ARGFX: variants seen among roughly 807,000 people sequenced by gnomAD.
ARGFX encodes arginine-fifty homeobox.
Under a neutral mutation model 8.0 loss-of-function variants are expected in ARGFX, and 10 were observed. That is an observed-to-expected ratio of 1.25 (90% CI 0.77 to 2.12). The LOEUF (loss-of-function observed/expected upper bound fraction) is 2.12, where lower values mean the gene tolerates loss of function less well. Ranked by LOEUF, ARGFX falls within the 30% of genes most tolerant of loss-of-function variation. The probability of loss-of-function intolerance (pLI) is 0.00; values close to 1 mark genes in which losing one functional copy is unlikely to be tolerated. For synonymous variants in ARGFX, 116 were observed against 117.8 expected (o/e 0.98, Z 0.10); for missense variants, 282 against 324.3 (o/e 0.87, Z 1.00).
At chr3:121,571,654 C>G (rs572216008) in intron 2 of ARGFX, among the ~76,000 whole-genome samples, 17 of 151,764 alleles carry the variant, frequency 1.1e-4, no homozygotes, top group Non-Finnish European at 2.5e-4. Flanking sequence ...AACTCCACCT[C>G]CCGGGTTCAA....
rs201467868 is a variant in ARGFX, at chr3:121,584,933, T to C, written c.237T>C (p.His79=). The change falls in exon 4 of 5, where the codon CAT becomes CAC. Residue 79 remains histidine (H), a synonymous_variant. Coordinates refer to ENST00000334384, the MANE Select transcript of ARGFX (RefSeq NM_001012659.2). The part of the protein sequence containing the change: ...VAATTAIRRR[H]KERTSFTHQQ... Reference sequence around the variant, plus strand: ...GCCCTGAAGCAATACGGAGAAGGCATAAAGAACGTACTTCTTTCACCCACC... The same window carrying C: ...GCCCTGAAGCAATACGGAGAAGGCACAAAGAACGTACTTCTTTCACCCACC... The C allele has an allele frequency of 1.2e-6, 2 of 1,613,306 alleles. No homozygotes were observed. Among genetic ancestry groups the C allele is most frequent in the Middle Eastern group, 1.8e-4 (1 of 5,478 alleles).
chr3:121,585,722 C>T (rs923363343), intron 4 of ARGFX, among the ~76,000 whole-genome samples: 15 of 152,124 alleles, frequency 9.9e-5, no homozygotes, highest in African/African-American at 3.6e-4. Flanking sequence ...TTCTTCACCT[C>T]TCCCTAGATC....
At position 121,577,248 on chromosome 3, in the gene ARGFX, TATATATATATA is replaced by T. The variant is rs2108836320; in HGVS notation, c.220+349_220+359del. Reference sequence around the variant, plus strand: ...GTACATATATATATATATATATATATATATATATATATTTTTTTTTTTTTAAATGGAGTCTC... The same window carrying T: ...GTACATATATATATATATATATATATTTTTTTTTTTTTTAAATGGAGTCTC... On this transcript the variant is annotated intron_variant, in intron 3 of 4. Transcript: ENST00000334384. Among the ~76,000 whole-genome samples, 5 of 54,054 alleles carry T rather than the reference TATATATATATA, an allele frequency of 9.3e-5. No homozygotes were observed. In the East Asian group the frequency reaches 2.7e-3, roughly 29 times the overall value. 35.5% of individuals were successfully genotyped at this position (54,054 alleles called of 152,430 possible).
At chr3:121,584,202 GAGAGGA>G (rs1397708634) in intron 3 of ARGFX, among the ~76,000 whole-genome samples, 1 of 140,756 alleles carries the variant, frequency 7.1e-6, no homozygotes, top group African/African-American at 2.7e-5. Flanking sequence ...GAGACAGAGA[GAGAGGA>G]AGGAAGGAAG....
chr3:121,589,558 G>A lies in ARGFX; in HGVS notation c.*2958G>A, dbSNP rs2048833615. Among the ~76,000 whole-genome samples, 1 of 152,036 alleles carries A rather than the reference G, an allele frequency of 6.6e-6. No individual in the cohort carries two copies. The highest frequency in any genetic ancestry group is 2.4e-5 in the African/African-American group (1 of 41,390). On this transcript the variant is annotated 3_prime_UTR_variant, in exon 5 of 5. Coordinates refer to ENST00000334384, the MANE Select transcript of ARGFX (RefSeq NM_001012659.2). ...CACCCAGCTAATTTTTGTATTTTTA[G>A]TAGGGACAGGTTTTGCCATGTTGCC...
intron 3 of ARGFX, 75 bp from the exon 4 acceptor site, chr3:121,584,842 G>T (rs1369552839): frequency 1.3e-6 from 2 of 1,525,610 alleles, no homozygotes; most frequent in African/African-American, 1.4e-5. Context: ...TTGTTTTTTG[G>T]TTTTTGTTTT....
intron 3 of ARGFX, among the ~76,000 whole-genome samples, chr3:121,579,180 G>A (rs867845665): frequency 2.6e-4 from 39 of 152,110 alleles, no homozygotes; most frequent in Admixed American, 7.9e-4. Flanking sequence ...AGTTTTCCTG[G>A]GATATTATTG....
chr3:121,578,707 G>A (rs1448930876), intron 3 of ARGFX, among the ~76,000 whole-genome samples: 1 of 145,206 alleles, frequency 6.9e-6, no homozygotes, highest in Admixed American at 7.0e-5. Context: ...GTCTCGCTCT[G>A]TTGCCCAGGC....
chr3:121,588,370 C>T lies in ARGFX; in HGVS notation c.*1770C>T, dbSNP rs753762101. The stretch of plus-strand genomic sequence containing the variant: ...GCACACACCTGTAATCCCAGCTACT[C>T]GGGAGGCTGAGGAAGGAGAATTGCT... On this transcript the variant is annotated 3_prime_UTR_variant, in exon 5 of 5. Transcript: ENST00000334384. Among the ~76,000 whole-genome samples the T allele has an allele frequency of 3.4e-5, 5 of 145,946 alleles. No homozygotes were observed. The highest frequency in any genetic ancestry group is 6.8e-5 in the Admixed American group (1 of 14,610).
In ARGFX at chr3:121,587,056, AT is replaced by A. The variant is rs547211551; in HGVS notation, c.*468del. Among the ~76,000 whole-genome samples the A allele has an allele frequency of 1.6e-3, 236 of 146,196 alleles. 5 individuals carry two copies. The South Asian group carries it at 0.032, about 20-fold the overall frequency. ...AGATGCTCGCCACCACACCTGGCTA[AT>A]TTTTTTTTTTTGAGACTGAGTCTCG... On this transcript the variant is annotated 3_prime_UTR_variant, in exon 5 of 5. Coordinates refer to ENST00000334384, the MANE Select transcript of ARGFX (RefSeq NM_001012659.2).
chr3:121,584,138 C>G (rs377422666), intron 3 of ARGFX, among the ~76,000 whole-genome samples: 14 of 150,552 alleles, frequency 9.3e-5, no homozygotes, highest in African/African-American at 2.9e-4. Context: ...ATGATCGTGC[C>G]ACAGCATTCA....
intron 2 of ARGFX, among the ~76,000 whole-genome samples, chr3:121,571,730 A>ATTTTTTTTTTT (rs1173636701): frequency 4.6e-4 from 49 of 107,072 alleles, no homozygotes; most frequent in South Asian, 6.4e-4. Flanking sequence ...TGCCCGGCAA[A>ATTTTTTTTTTT]TTTTTTTTTT....
At chr3:121,584,768 G>A in intron 3 of ARGFX, 149 bp from the exon 4 acceptor site, 1 of 866,068 alleles carries the variant, frequency 1.2e-6, no homozygotes, top group South Asian at 1.7e-5. Context: ...CAAGACCTGG[G>A]ATCTGCATTT....
intron 2 of ARGFX, among the ~76,000 whole-genome samples, chr3:121,571,538 A>G (rs2048707991): frequency 6.7e-6 from 1 of 149,968 alleles, no homozygotes; most frequent in East Asian, 2.0e-4. Flanking sequence ...CCATGTGCAT[A>G]AATGGGAAGG....
chr3:121,587,388 T>C lies in ARGFX; in HGVS notation c.*788T>C, dbSNP rs1165760388. ...TTTTTGTAGAGACGAGGTTTTGCCA[T>C]GTTGCCCAGGCTGGTCTCCAACTCC... On this transcript the variant is annotated 3_prime_UTR_variant, in exon 5 of 5. Transcript: ENST00000334384. 1.3e-5 allele frequency among the ~76,000 whole-genome samples: 2 copies of C among 151,858 alleles called. No homozygotes were observed. The highest frequency in any genetic ancestry group is 3.9e-4 in the East Asian group (2 of 5,158).
intron 3 of ARGFX, among the ~76,000 whole-genome samples, chr3:121,582,566 A>T (rs1305413506): frequency 3.9e-5 from 6 of 152,032 alleles, no homozygotes; most frequent in African/African-American, 9.7e-5. Flanking sequence ...TATATAGGTT[A>T]TTTTCATCTA....
intron 2 of ARGFX, among the ~76,000 whole-genome samples, chr3:121,574,100 G>A (rs577606851): frequency 2.0e-5 from 3 of 152,062 alleles, no homozygotes; most frequent in Admixed American, 2.0e-4. Context: ...ACAGTATGAT[G>A]GTACCTCAAA....
chr3:121,570,643 G>A, intron 1 of ARGFX, 59 bp from the exon 2 acceptor site: 14 of 1,166,934 alleles, frequency 1.2e-5, no homozygotes, highest in Non-Finnish European at 6.1e-6. Context: ...TGAAAACATT[G>A]CTATCCAGCG....
In ARGFX at chr3:121,590,475, C is replaced by G. The variant is rs1037702522; in HGVS notation, c.*3875C>G. Among the ~76,000 whole-genome samples, 2 of 146,618 alleles carry G rather than the reference C, an allele frequency of 1.4e-5. No individual in the cohort carries two copies. The highest frequency in any genetic ancestry group is 5.0e-5 in the African/African-American group (2 of 40,084). On this transcript the variant is annotated 3_prime_UTR_variant, in exon 5 of 5. Transcript: ENST00000334384. ...TCCCCACCCCCACCTCTATCTTTCTCTCTCTCTCTTACCTCCTCCTCTCCC... is the reference window on the plus strand; with the variant it reads ...TCCCCACCCCCACCTCTATCTTTCTGTCTCTCTCTTACCTCCTCCTCTCCC...
Sources: gnomAD v4.1 joint callset for allele counts (sites outside exome capture counted in the v4.1 genomes callset) on GRCh38, gnomAD v4.1.1 for gene constraint, MANE v1.5 for transcripts, NCBI Gene and HGNC (gene_info 2026-07-23, HGNC 2026-07-21) for gene names.